The following OR4N2 variants were observed in gnomAD, a reference collection of about 807,000 sequenced individuals.
OR4N2 encodes olfactory receptor family 4 subfamily N member 2.
For missense variants in OR4N2, 307 were observed against 377.6 expected, an observed-to-expected ratio of 0.81 and a Z score of 1.55; for synonymous variants, 141 against 140.4, an observed-to-expected ratio of 1.00 and a Z score of -0.03.
chr14:19,809,242 C>G (rs1879238577), intron 1 of OR4N2, among the ~76,000 whole-genome samples: 1 of 152,142 alleles, frequency 6.6e-6, no homozygotes, highest in South Asian at 2.1e-4. Flanking sequence ...AAGACCTCAG[C>G]CTATAAAAAT....
chr14:19,828,211 A>G lies in OR4N2; in HGVS notation c.763A>G (p.Ile255Val), dbSNP rs545465185. Residue 255 changes from isoleucine (I) to valine (V), a missense_variant, in exon 2 of 2, where the codon ATC becomes GTC. Physicochemically the swap from Ile to Val is conservative, Grantham distance 29. Coordinates refer to ENST00000557677, the MANE Select transcript of OR4N2 (RefSeq NM_001004723.3). ...IVIFFMFGPG[I>V]FIYTRPFRAF... ...TATATTCTTCATGTTTGGACCTGGC[A>G]TCTTCATCTACACGCGCCCCTTCAG... 6.2e-7 allele frequency: 1 copy of G among 1,614,280 alleles called. No individual in the cohort carries two copies. Among genetic ancestry groups the G allele is most frequent in the Non-Finnish European group, 8.5e-7 (1 of 1,180,048 alleles).
In OR4N2 at chr14:19,828,459, T is replaced by C; in HGVS notation, c.*87T>C. Reference sequence around the variant, plus strand: ...GTTTATTTCCAAGTACTGCAATCACTGAGTACCTCCCATTTGTCAGGACTA... The same window carrying C: ...GTTTATTTCCAAGTACTGCAATCACCGAGTACCTCCCATTTGTCAGGACTA... On this transcript the variant is annotated 3_prime_UTR_variant, in exon 2 of 2. Transcript: ENST00000557677. 1 of 1,250,074 alleles carries C rather than the reference T, an allele frequency of 8.0e-7. No homozygotes were observed. Among genetic ancestry groups the C allele is most frequent in the Non-Finnish European group, 1.1e-6 (1 of 911,298 alleles). The allele number at this position is 1,250,074 out of a possible 1,614,324, so 77.4% of individuals were successfully genotyped here.
chr14:19,811,395 C>T (rs7142866), intron 1 of OR4N2, among the ~76,000 whole-genome samples: 7,674 of 151,452 alleles, frequency 0.051, 180 homozygotes, highest in African/African-American at 0.13. Flanking sequence ...TACAGGCGCC[C>T]ACCACCACGC....
At chr14:19,804,045 T>A (rs1305332964) in intron 1 of OR4N2, among the ~76,000 whole-genome samples, 6 of 152,234 alleles carry the variant, frequency 3.9e-5, no homozygotes, top group Admixed American at 2.6e-4. Context: ...GTGGTAATGT[T>A]CCCTTTGTCA....
intron 1 of OR4N2, among the ~76,000 whole-genome samples, chr14:19,817,988 T>C (rs557938827): frequency 6.6e-6 from 1 of 152,388 alleles, no homozygotes; most frequent in East Asian, 1.9e-4. Context: ...TTCCATGTGT[T>C]GTGCGATTTT....
chr14:19,809,507 A>G (rs1221136334), intron 1 of OR4N2, among the ~76,000 whole-genome samples: 1 of 152,206 alleles, frequency 6.6e-6, no homozygotes, highest in Non-Finnish European at 1.5e-5. Context: ...GCAACAAACA[A>G]ACGAACAAAA....
intron 1 of OR4N2, among the ~76,000 whole-genome samples, chr14:19,810,583 A>G (rs1196981108): frequency 1.3e-5 from 2 of 152,214 alleles, no homozygotes; most frequent in African/African-American, 2.4e-5. Context: ...GTTGCCATCA[A>G]TGGTAAACTG....
At chr14:19,818,150 G>A (rs1879474567) in intron 1 of OR4N2, among the ~76,000 whole-genome samples, 1 of 152,242 alleles carries the variant, frequency 6.6e-6, no homozygotes, top group Admixed American at 6.5e-5. Context: ...GTGCTGAGAA[G>A]AATATATATT....
chr14:19,811,734 T>G (rs997280939), intron 1 of OR4N2, among the ~76,000 whole-genome samples: 2 of 152,278 alleles, frequency 1.3e-5, no homozygotes, highest in African/African-American at 4.8e-5. Context: ...GAAAATCATT[T>G]GTTTTAACAT....
At chr14:19,818,467 G>T (rs1415611517) in intron 1 of OR4N2, among the ~76,000 whole-genome samples, 2 of 152,096 alleles carry the variant, frequency 1.3e-5, no homozygotes, top group Non-Finnish European at 2.9e-5. Flanking sequence ...ATCTTTGTTG[G>T]TTTAAAGTCT....
intron 1 of OR4N2, among the ~76,000 whole-genome samples, chr14:19,815,599 A>G (rs1879403916): frequency 6.6e-6 from 1 of 151,524 alleles, no homozygotes; most frequent in South Asian, 2.1e-4. Context: ...ATAGATTGCA[A>G]AAATTTCCTC....
chr14:19,825,539 T>G (rs1879673840), intron 1 of OR4N2, among the ~76,000 whole-genome samples: 1 of 149,882 alleles, frequency 6.7e-6, no homozygotes, highest in Non-Finnish European at 1.5e-5. Flanking sequence ...ATTTATTTAT[T>G]TATTTATTTA....
At chr14:19,812,078 G>A (rs992203709) in intron 1 of OR4N2, among the ~76,000 whole-genome samples, 4 of 152,148 alleles carry the variant, frequency 2.6e-5, no homozygotes, top group African/African-American at 9.7e-5. Context: ...TTTATCAAGG[G>A]TTGCAGGATA....
intron 1 of OR4N2, among the ~76,000 whole-genome samples, 151 bp downstream of exon 1, chr14:19,803,995 T>A (rs1415523260): frequency 6.6e-6 from 1 of 152,226 alleles, no homozygotes; most frequent in Non-Finnish European, 1.5e-5. Context: ...TTGTTCATAG[T>A]AGTCTCTGAG....
chr14:19,828,493 A>T lies in OR4N2; in HGVS notation c.*121A>T. The stretch of plus-strand genomic sequence containing the variant: ...CCCATTTGTCAGGACTATTCTGGGA[A>T]CTGAAAAAAGAAATTACTGAGGCAG... On this transcript the variant is annotated 3_prime_UTR_variant, in exon 2 of 2. Transcript: ENST00000557677. 9.3e-7 allele frequency: 1 copy of T among 1,080,066 alleles called. No homozygotes were observed. Among genetic ancestry groups the T allele is most frequent in the Non-Finnish European group, 1.3e-6 (1 of 766,902 alleles). The allele number at this position is 1,080,066 out of a possible 1,614,324, so 66.9% of individuals were successfully genotyped here.
rs144051874 is a variant in OR4N2, at chr14:19,827,712, G to C, written c.264G>C (p.Ala88=). Residue 88 remains alanine, a synonymous_variant, in exon 2 of 2, where the codon GCG becomes GCC. Transcript: ENST00000557677. The part of the protein sequence containing the change: ...APRMLVDFLS[A]KKIISYRGCI... Reference sequence around the variant, plus strand: ...GGATGTTGGTGGACTTCCTCTCTGCGAAGAAGATAATCTCCTACAGAGGCT... The same window carrying C: ...GGATGTTGGTGGACTTCCTCTCTGCCAAGAAGATAATCTCCTACAGAGGCT... 20 of 1,614,124 alleles carry C rather than the reference G, an allele frequency of 1.2e-5. No homozygotes were observed. The highest frequency in any genetic ancestry group is 1.7e-5 in the Non-Finnish European group (20 of 1,180,050).
chr14:19,813,746 G>C (rs1879358132), intron 1 of OR4N2, among the ~76,000 whole-genome samples: 1 of 152,056 alleles, frequency 6.6e-6, no homozygotes, highest in Non-Finnish European at 1.5e-5. Context: ...TTACATAATA[G>C]GGATGTCTAA....
At chr14:19,825,285 C>G (rs1455005174) in intron 1 of OR4N2, among the ~76,000 whole-genome samples, 1 of 152,228 alleles carries the variant, frequency 6.6e-6, no homozygotes, top group Non-Finnish European at 1.5e-5. Flanking sequence ...CTATTCCATT[C>G]TAGGGATACA....
chr14:19,823,717 C>G (rs1277090742), intron 1 of OR4N2, among the ~76,000 whole-genome samples: 2 of 140,462 alleles, frequency 1.4e-5, no homozygotes, highest in Non-Finnish European at 3.1e-5. Flanking sequence ...TTAAAGAGAA[C>G]AAAATAAATA....
Sources: gnomAD v4.1 joint callset for allele counts (sites outside exome capture counted in the v4.1 genomes callset) on GRCh38, gnomAD v4.1.1 for gene constraint, MANE v1.5 for transcripts, NCBI Gene and HGNC (gene_info 2026-07-23, HGNC 2026-07-21) for gene names.